RIMS1: variants seen among roughly 807,000 people sequenced by gnomAD.
RIMS1 encodes the protein regulating synaptic membrane exocytosis protein 1.
A neutral mutation model predicts 214.1 loss-of-function variants in RIMS1; 83 were observed. That is an observed-to-expected ratio of 0.39 (90% CI 0.32 to 0.47). The LOEUF is 0.47. RIMS1 is among the 20% of genes least tolerant of loss of function. RIMS1 has a pLI of 0.99. For synonymous variants in RIMS1, 793 were observed against 786.8 expected, an observed-to-expected ratio of 1.01 and a Z score of -0.13; for missense variants, 2,050 against 2,161.8, an observed-to-expected ratio of 0.95 and a Z score of 1.03.
At chr6:72,301,189 T>G (rs1047682335) in intron 26 of RIMS1, among the ~76,000 whole-genome samples, 114 of 151,664 alleles carry the variant, frequency 7.5e-4, no homozygotes, top group Admixed American at 7.0e-3. Flanking sequence ...GAAAAGGATG[T>G]TATAAGGGAA....
intron 2 of RIMS1, among the ~76,000 whole-genome samples, chr6:71,980,530 G>A (rs2151474349): frequency 6.6e-6 from 1 of 152,190 alleles, no homozygotes; most frequent in Non-Finnish European, 1.5e-5. Context: ...AGGCAGTTGA[G>A]GCCAGTTTAT....
At chr6:72,387,698 A>C (rs746660392) in intron 29 of RIMS1, among the ~76,000 whole-genome samples, 6 of 152,228 alleles carry the variant, frequency 3.9e-5, no homozygotes, top group Non-Finnish European at 7.3e-5. Flanking sequence ...ATAGGTAGGT[A>C]AGTGGGAACA....
chr6:72,096,047 T>A (rs765874346), intron 2 of RIMS1, among the ~76,000 whole-genome samples: 1 of 152,166 alleles, frequency 6.6e-6, no homozygotes, highest in Non-Finnish European at 1.5e-5. Context: ...TTTATAGAGA[T>A]TTAAGATTGG....
intron 7 of RIMS1, among the ~76,000 whole-genome samples, chr6:72,234,449 C>T (rs906644035): frequency 1.3e-5 from 2 of 151,946 alleles, no homozygotes; most frequent in East Asian, 1.9e-4. Context: ...GGAGAAAGTA[C>T]AGAATTCCCA....
At chr6:72,064,115 C>T (rs549340217) in intron 2 of RIMS1, among the ~76,000 whole-genome samples, 10 of 152,154 alleles carry the variant, frequency 6.6e-5, no homozygotes, top group Non-Finnish European at 1.2e-4. Flanking sequence ...GTCAAGAGTT[C>T]GAGACCAGCC....
At chr6:72,383,608 TAAAAAAAAA>T (rs1170633297) in intron 29 of RIMS1, among the ~76,000 whole-genome samples, 1 of 85,938 alleles carries the variant, frequency 1.2e-5, no homozygotes, top group East Asian at 3.6e-4. Context: ...ACCCCATCTC[TAAAAAAAAA>T]AAAAAAAAAA....
intron 26 of RIMS1, among the ~76,000 whole-genome samples, chr6:72,300,652 C>G (rs139742993): frequency 6.6e-6 from 1 of 151,904 alleles, no homozygotes; most frequent in East Asian, 1.9e-4. Flanking sequence ...TGTTCCCTCT[C>G]AAAACCTAAA....
chr6:71,903,313 C>T (rs560717647), intron 1 of RIMS1, among the ~76,000 whole-genome samples: 37 of 152,076 alleles, frequency 2.4e-4, no homozygotes, highest in African/African-American at 8.4e-4. Flanking sequence ...GTTGATTGGC[C>T]GCATGAATGT....
At chr6:72,253,599 G>A (rs1037125202) in intron 16 of RIMS1, among the ~76,000 whole-genome samples, 1 of 152,058 alleles carries the variant, frequency 6.6e-6, no homozygotes, top group Non-Finnish European at 1.5e-5. Context: ...GTCTTAAAAT[G>A]TATAAATATG....
At chr6:72,231,084 A>G (rs1245048606) in intron 6 of RIMS1, among the ~76,000 whole-genome samples, 2 of 151,614 alleles carry the variant, frequency 1.3e-5, no homozygotes, top group Non-Finnish European at 3.0e-5. Flanking sequence ...ATCAAGGAAA[A>G]TGTTTTGTGT....
chr6:71,927,503 A>G (rs761328144), intron 1 of RIMS1, among the ~76,000 whole-genome samples: 2 of 152,184 alleles, frequency 1.3e-5, no homozygotes, highest in Non-Finnish European at 2.9e-5. Context: ...TTATTAATTG[A>G]CTGATTAGAC....
intron 6 of RIMS1, among the ~76,000 whole-genome samples, chr6:72,203,136 T>C (rs751667345): frequency 9.2e-5 from 14 of 152,214 alleles, no homozygotes; most frequent in Middle Eastern, 3.4e-3. Context: ...TACAGGTGCC[T>C]GCCACCACAT....
chr6:72,392,659 A>G (rs200062037), intron 30 of RIMS1, 39 bp from the exon 31 acceptor site: 10 of 1,357,826 alleles, frequency 7.4e-6, no homozygotes, highest in Non-Finnish European at 9.5e-6. Flanking sequence ...AGAAGATTTC[A>G]TGGGTTTTTT....
intron 29 of RIMS1, among the ~76,000 whole-genome samples, chr6:72,341,612 T>C (rs1480470965): frequency 6.6e-6 from 1 of 151,844 alleles, no homozygotes; most frequent in Non-Finnish European, 1.5e-5. Flanking sequence ...GTTTCAAAAA[T>C]AGAAGTATCA....
At chr6:71,972,049 T>C (rs762157969) in intron 2 of RIMS1, among the ~76,000 whole-genome samples, 2 of 151,376 alleles carry the variant, frequency 1.3e-5, no homozygotes, top group Non-Finnish European at 1.5e-5. Flanking sequence ...ACAGGATACA[T>C]AGAAAAAAAA....
At chr6:71,997,398 G>T (rs1803783466) in intron 2 of RIMS1, among the ~76,000 whole-genome samples, 1 of 152,088 alleles carries the variant, frequency 6.6e-6, no homozygotes, top group South Asian at 2.1e-4. Flanking sequence ...CAAAAGGAAT[G>T]CAAAAGCCAT....
At chr6:71,890,214 A>C (rs1445758218) in intron 1 of RIMS1, among the ~76,000 whole-genome samples, 16 of 152,254 alleles carry the variant, frequency 1.1e-4, no homozygotes, top group Non-Finnish European at 7.4e-5. Context: ...AGATTTTAGA[A>C]GATTTTATTT....
rs2044407516 is a variant in RIMS1, at chr6:72,156,086, A to G, written c.472-23489A>G. ...GTTCCCTCAGAAAATTATAAATAGA[A>G]GTACTATATGATCCAGCAATCTCAC... On this transcript the variant is annotated intron_variant, in intron 4 of 33. Coordinates refer to ENST00000521978, the MANE Select transcript of RIMS1 (RefSeq NM_014989.7). 4 of 353,796 alleles carry G rather than the reference A, an allele frequency of 1.1e-5. 1 individual carries two copies. Among genetic ancestry groups the G allele is most frequent in the Non-Finnish European group, 1.7e-5 (3 of 173,478 alleles). The allele number at this position is 353,796 out of a possible 1,614,324, so 21.9% of individuals were successfully genotyped here.
intron 6 of RIMS1, among the ~76,000 whole-genome samples, chr6:72,231,253 AG>A (rs912088213): frequency 2.0e-5 from 3 of 151,700 alleles, no homozygotes; most frequent in African/African-American, 7.2e-5. Flanking sequence ...GAAGAAACAA[AG>A]GTAGTTTACA....
Sources: gnomAD v4.1 joint callset for allele counts (sites outside exome capture counted in the v4.1 genomes callset) on GRCh38, gnomAD v4.1.1 for gene constraint, MANE v1.5 for transcripts, NCBI Gene and HGNC (gene_info 2026-07-23, HGNC 2026-07-21) for gene names.